The following NDUFAF2 variants were observed in gnomAD, a reference collection of about 807,000 sequenced individuals.
NDUFAF2 encodes NADH:ubiquinone oxidoreductase complex assembly factor 2.
NDUFAF2 carries 13 observed loss-of-function variants against 22.8 expected under a neutral mutation model. The observed-to-expected ratio is 0.57, with a 90% CI of 0.37 to 0.91. The LOEUF (loss-of-function observed/expected upper bound fraction) is 0.91, where lower values mean the gene tolerates loss of function less well. NDUFAF2 is among the 40% of genes least tolerant of loss of function. NDUFAF2 has a pLI of 0.01. For missense variants in NDUFAF2, 162 were observed against 195.2 expected, an observed-to-expected ratio of 0.83 and a Z score of 1.01; for synonymous variants, 53 against 64.2, an observed-to-expected ratio of 0.83 and a Z score of 0.84.
chr5:61,089,174 G>A lies in NDUFAF2; in HGVS notation c.218-9818G>A, dbSNP rs540997017. Among the ~76,000 whole-genome samples, 14 of 152,086 alleles carry A rather than the reference G, an allele frequency of 9.2e-5. 1 individual carries two copies. The South Asian group carries it at 2.9e-3, about 32-fold the overall frequency. On this transcript the variant is annotated intron_variant, in intron 2 of 3. Transcript: ENST00000296597. Reference sequence around the variant, plus strand: ...TATTATAGTGGCTTATATTCTAATAGGAATATTAAAGTTCAGTGAAAATCT... The same window carrying A: ...TATTATAGTGGCTTATATTCTAATAAGAATATTAAAGTTCAGTGAAAATCT...
chr5:61,068,993 T>C (rs539917080), intron 1 of NDUFAF2, among the ~76,000 whole-genome samples: 2 of 152,278 alleles, frequency 1.3e-5, no homozygotes, highest in South Asian at 2.1e-4. Context: ...ATAAATGAAA[T>C]GTACAAATTG....
chr5:61,014,402 A>G (rs1419450099), intron 1 of NDUFAF2, among the ~76,000 whole-genome samples: 1 of 152,146 alleles, frequency 6.6e-6, no homozygotes, highest in Non-Finnish European at 1.5e-5. Context: ...TTCACCCTAT[A>G]TATACCTCTT....
chr5:61,108,538 T>A lies in NDUFAF2; in HGVS notation c.258+9506T>A, dbSNP rs1436779913. On this transcript the variant is annotated intron_variant, in intron 3 of 3. Coordinates refer to ENST00000296597, the MANE Select transcript of NDUFAF2 (RefSeq NM_174889.5). ...GGGGTATTTCTCAAGAAATCTTTGC[T>A]CAGTCCAGTGTCCTAGAGAGTTTCC... is the stretch of plus-strand genomic sequence containing the variant. Among the ~76,000 whole-genome samples, 3 of 151,370 alleles carry A rather than the reference T, an allele frequency of 2.0e-5. 1 individual carries two copies. The highest frequency in any genetic ancestry group is 7.4e-5 in the African/African-American group (3 of 40,704).
rs1751205622 is a variant in NDUFAF2 at position 60,994,689 on chromosome 5, C to T, written c.127+49307C>T. Among the ~76,000 whole-genome samples the T allele has an allele frequency of 2.0e-5, 3 of 152,172 alleles. No individual in the cohort carries two copies. The South Asian group carries it at 6.2e-4, about 32-fold the overall frequency. On this transcript the variant is annotated intron_variant, in intron 1 of 3. Coordinates refer to ENST00000296597, the MANE Select transcript of NDUFAF2 (RefSeq NM_174889.5). ...AGTAGTCTTCTTTGGGTTAAATCAG[C>T]TTGGTGTTCTATAACCTTCTTGTAC... is the stretch of plus-strand genomic sequence containing the variant.
intron 1 of NDUFAF2, among the ~76,000 whole-genome samples, chr5:61,059,155 GAA>G (rs1752133965): frequency 1.3e-5 from 2 of 152,052 alleles, no homozygotes; most frequent in South Asian, 4.1e-4. Flanking sequence ...AATATAATCA[GAA>G]GACCTGCTTA....
At chr5:61,092,502 C>T (rs890826753) in intron 2 of NDUFAF2, among the ~76,000 whole-genome samples, 4 of 152,002 alleles carry the variant, frequency 2.6e-5, no homozygotes, top group Admixed American at 2.6e-4. Context: ...TAATTTGGCT[C>T]TCTGCTTGAG....
intron 3 of NDUFAF2, among the ~76,000 whole-genome samples, chr5:61,143,959 TTTGTG>T (rs1196955474): frequency 2.1e-5 from 1 of 48,252 alleles, no homozygotes; most frequent in South Asian, 5.7e-4. Flanking sequence ...ATGGCATATT[TTTGTG>T]TGTGTGTGTG....
chr5:61,109,499 A>G (rs1256419266), intron 3 of NDUFAF2, among the ~76,000 whole-genome samples: 1 of 152,322 alleles, frequency 6.6e-6, no homozygotes, highest in African/African-American at 2.4e-5. Context: ...GAATAACAAT[A>G]GTAAAAGTGG....
chr5:61,109,855 A>G (rs1752816599), intron 3 of NDUFAF2, among the ~76,000 whole-genome samples: 1 of 152,158 alleles, frequency 6.6e-6, no homozygotes, highest in Non-Finnish European at 1.5e-5. Flanking sequence ...CTGTGAGTCA[A>G]TTAAACCTCT....
At chr5:61,066,800 G>C (rs1580119860) in intron 1 of NDUFAF2, among the ~76,000 whole-genome samples, 1 of 151,980 alleles carries the variant, frequency 6.6e-6, no homozygotes, top group South Asian at 2.1e-4. Context: ...TTGTTGTGTT[G>C]TTGTTTCATC....
At chr5:60,987,193 C>A (rs1751093688) in intron 1 of NDUFAF2, among the ~76,000 whole-genome samples, 1 of 152,090 alleles carries the variant, frequency 6.6e-6, no homozygotes, top group South Asian at 2.1e-4. Context: ...TGGCTAAATT[C>A]CTGGACACAT....
At chr5:61,110,145 C>T (rs1752819678) in intron 3 of NDUFAF2, among the ~76,000 whole-genome samples, 1 of 152,094 alleles carries the variant, frequency 6.6e-6, no homozygotes, top group Non-Finnish European at 1.5e-5. Context: ...TAGGATAAAT[C>T]CTACTTAGTC....
chr5:61,096,274 G>A (rs1252788551), intron 2 of NDUFAF2, among the ~76,000 whole-genome samples: 1 of 152,092 alleles, frequency 6.6e-6, no homozygotes, highest in African/African-American at 2.4e-5. Context: ...TCCTGCCTTT[G>A]ACAACCTTAC....
intron 1 of NDUFAF2, among the ~76,000 whole-genome samples, chr5:60,956,973 C>T (rs749852021): frequency 1.3e-4 from 20 of 151,624 alleles, no homozygotes; most frequent in Non-Finnish European, 2.2e-4. Flanking sequence ...TTTGAGAAAC[C>T]GGATCAAAAG....
rs974483830 is a variant in NDUFAF2 at position 60,983,116 on chromosome 5, A to G, written c.127+37734A>G. ...TCTAACTGGTGTGAGATGGTATCTC[A>G]TTGTGGTTTTGATTTGCATTTCTCT... On this transcript the variant is annotated intron_variant, in intron 1 of 3. Coordinates refer to ENST00000296597, the MANE Select transcript of NDUFAF2 (RefSeq NM_174889.5). Among the ~76,000 whole-genome samples, 233 of 150,138 alleles carry G rather than the reference A, an allele frequency of 1.6e-3. 1 individual carries two copies. Among genetic ancestry groups the G allele is most frequent in the African/African-American group, 5.5e-3 (226 of 40,898 alleles).
intron 1 of NDUFAF2, among the ~76,000 whole-genome samples, chr5:61,059,226 G>A (rs1007193005): frequency 1.3e-5 from 2 of 151,978 alleles, no homozygotes; most frequent in African/African-American, 4.8e-5. Flanking sequence ...TATATTTGTT[G>A]GTTGAATTAC....
intron 1 of NDUFAF2, among the ~76,000 whole-genome samples, chr5:61,057,530 G>C (rs965068927): frequency 1.3e-5 from 2 of 152,144 alleles, no homozygotes; most frequent in African/African-American, 2.4e-5. Flanking sequence ...TACAGTACTT[G>C]GTCTGAATCA....
chr5:61,083,583 C>G (rs1055175672), intron 2 of NDUFAF2, among the ~76,000 whole-genome samples: 1 of 145,056 alleles, frequency 6.9e-6, no homozygotes, highest in East Asian at 1.9e-4. Context: ...TGCTGGCCAT[C>G]CTTTCACCAT....
intron 3 of NDUFAF2, among the ~76,000 whole-genome samples, chr5:61,152,295 A>G (rs1253117135): frequency 1.3e-5 from 2 of 152,120 alleles, no homozygotes; most frequent in Admixed American, 1.3e-4. Flanking sequence ...GGCAAAGAAA[A>G]AAAAAAAAGG....
Sources: gnomAD v4.1 joint callset for allele counts (sites outside exome capture counted in the v4.1 genomes callset) on GRCh38, gnomAD v4.1.1 for gene constraint, MANE v1.5 for transcripts, NCBI Gene and HGNC (gene_info 2026-07-23, HGNC 2026-07-21) for gene names.